Variants in HSPA12A observed in about 807,000 individuals in gnomAD.
HSPA12A encodes heat shock protein family A (Hsp70) member 12A.
A neutral mutation model predicts 69.2 loss-of-function variants in HSPA12A; 28 were observed. The ratio of observed to expected loss-of-function variants is 0.40; its 90% CI spans 0.30 to 0.55. HSPA12A has a LOEUF of 0.55. Among genes scored for constraint, HSPA12A ranks in the 20% least tolerant of loss-of-function variants. The probability of loss-of-function intolerance (pLI) is 0.38; values close to 1 mark genes in which losing one functional copy is unlikely to be tolerated. For synonymous variants in HSPA12A, 345 were observed against 370.5 expected, an observed-to-expected ratio of 0.93 and a Z score of 0.79; for missense variants, 686 against 900.7, an observed-to-expected ratio of 0.76 and a Z score of 3.05.
At chr10:116,745,605 G>A (rs1309482116), upstream of HSPA12A, among the ~76,000 whole-genome samples, 1 of 152,134 alleles carries the variant, frequency 6.6e-6, no homozygotes, top group African/African-American at 2.4e-5. Flanking sequence ...TTCCCTTCCT[G>A]CTGGTCACTC....
chr10:116,780,055 G>A (rs782189213), intron 2 of HSPA12A, among the ~76,000 whole-genome samples: 6 of 152,164 alleles, frequency 3.9e-5, no homozygotes, highest in African/African-American at 1.2e-4. Flanking sequence ...TGGGCACTGC[G>A]TCCTTCTCAC....
exon 1 of HSPA12A, chr10:116,849,575 A>C (rs1845991534): frequency 2.6e-6 from 4 of 1,542,570 alleles, no homozygotes; most frequent in Non-Finnish European, 3.5e-6. Context: ...CCATGGAGGA[A>C]GAAGGCGGCG....
chr10:116,775,461 G>C (rs782484876), intron 2 of HSPA12A, among the ~76,000 whole-genome samples: 1 of 152,190 alleles, frequency 6.6e-6, no homozygotes, highest in Non-Finnish European at 1.5e-5. Context: ...GCTGGAAATG[G>C]CCAATGTATT....
At chr10:116,733,308 A>T (rs1432463290) in intron 1 of HSPA12A, among the ~76,000 whole-genome samples, 1 of 152,158 alleles carries the variant, frequency 6.6e-6, no homozygotes, top group Non-Finnish European at 1.5e-5. Flanking sequence ...CATGGGAGAC[A>T]AGCAAAGAGA....
chr10:116,847,389 A>T (rs570828070), intron 1 of HSPA12A, among the ~76,000 whole-genome samples: 1 of 152,250 alleles, frequency 6.6e-6, no homozygotes, highest in East Asian at 1.9e-4. Context: ...AAACCCATCA[A>T]TGCTACCCAC....
chr10:116,699,130 C>T (rs1554881293), intron 4 of HSPA12A, among the ~76,000 whole-genome samples: 1 of 142,260 alleles, frequency 7.0e-6, no homozygotes, highest in Non-Finnish European at 1.5e-5. Flanking sequence ...CTCAGGATCC[C>T]CCCTGATGGA....
At position 116,707,288 on chromosome 10, in the gene HSPA12A, G is replaced by A. The variant is rs1554882605; in HGVS notation, c.41-3C>T. On this transcript the variant is annotated splice_region_variant and splice_polypyrimidine_tract_variant and intron_variant, in intron 1 of 11. Coordinates refer to ENST00000369209, the MANE Select transcript of HSPA12A (RefSeq NM_025015.3). ...ATATGCAGATGTGGGAGCCGTTTCTGAAAGGAAAAACAAAGCCGCCTCCTT... is the reference window on the plus strand; with the variant it reads ...ATATGCAGATGTGGGAGCCGTTTCTAAAAGGAAAAACAAAGCCGCCTCCTT... The A allele has an allele frequency of 6.2e-7, 1 of 1,609,932 alleles. No homozygotes were observed.
chr10:116,731,096 G>A (rs1433409266), intron 1 of HSPA12A, among the ~76,000 whole-genome samples: 1 of 152,232 alleles, frequency 6.6e-6, no homozygotes, highest in Non-Finnish European at 1.5e-5. Context: ...CTCCATGGCT[G>A]GCCAGTTGGC....
At chr10:116,716,392 C>T (rs1341624424) in intron 1 of HSPA12A, among the ~76,000 whole-genome samples, 2 of 151,446 alleles carry the variant, frequency 1.3e-5, no homozygotes, top group African/African-American at 4.9e-5. Context: ...TGTTAGATGC[C>T]ACCCTGTGAC....
chr10:116,795,475 T>C (rs1157715887), intron 2 of HSPA12A, among the ~76,000 whole-genome samples: 3 of 150,994 alleles, frequency 2.0e-5, no homozygotes, highest in Admixed American at 1.3e-4. Flanking sequence ...GGCTAGAAGT[T>C]TGAGACCAGC....
chr10:116,749,000 A>C, intron 2 of HSPA12A, among the ~76,000 whole-genome samples: 1 of 150,618 alleles, frequency 6.6e-6, no homozygotes, highest in Admixed American at 6.6e-5. Flanking sequence ...TCCCTTCCTC[A>C]CCCCCTGCTG....
intron 2 of HSPA12A, among the ~76,000 whole-genome samples, chr10:116,811,579 T>TAAAAAAAAAAAA (rs60912684): frequency 9.4e-5 from 10 of 105,932 alleles, no homozygotes; most frequent in African/African-American, 3.7e-4. Flanking sequence ...TTGCTTTTGT[T>TAAAAAAAAAAAA]AAAAAAAAAA....
At chr10:116,833,830 A>G (rs77064889) in intron 2 of HSPA12A, among the ~76,000 whole-genome samples, 10,061 of 152,038 alleles carry the variant, frequency 0.066, 1,069 homozygotes, top group African/African-American at 0.23. Context: ...GTTTTGTTTT[A>G]TTTCCTTCTT....
At chr10:116,842,602 T>G (rs1444114595) in intron 1 of HSPA12A, among the ~76,000 whole-genome samples, 1 of 152,120 alleles carries the variant, frequency 6.6e-6, no homozygotes, top group Non-Finnish European at 1.5e-5. Flanking sequence ...AGAGTTTGCT[T>G]AAAGAGTTTG....
At position 116,709,046 on chromosome 10, in the gene HSPA12A, C is replaced by T. The variant is rs182389242; in HGVS notation, c.41-1761G>A. ...CAGCAATTCCACTCCTAGGTATCTA[C>T]CCAAAAAACTGAAAACAGGGACTCA... On this transcript the variant is annotated intron_variant, in intron 1 of 11. Coordinates refer to ENST00000369209, the MANE Select transcript of HSPA12A (RefSeq NM_025015.3). 3.1e-3 allele frequency among the ~76,000 whole-genome samples: 448 copies of T among 144,186 alleles called. 1 individual carries two copies. The highest frequency in any genetic ancestry group is 6.3e-3 in the South Asian group (29 of 4,632). The allele number at this position is 144,186 out of a possible 152,430, so 94.6% of individuals were successfully genotyped here. A position where few individuals can be genotyped will look rare whatever the true frequency, so the allele number is the denominator to read the frequency against.
chr10:116,697,945 T>A (rs1434810961), intron 5 of HSPA12A, among the ~76,000 whole-genome samples: 2 of 152,218 alleles, frequency 1.3e-5, no homozygotes, highest in African/African-American at 4.8e-5. Flanking sequence ...GCTATCTGTA[T>A]CTGGCTTCTT....
intron 2 of HSPA12A, among the ~76,000 whole-genome samples, chr10:116,804,485 G>C (rs1845026928): frequency 6.6e-6 from 1 of 152,002 alleles, no homozygotes; most frequent in African/African-American, 2.4e-5. Context: ...GAGTCCCTGA[G>C]ATTCTCGGCC....
At chr10:116,748,687 G>A (rs782006950) in intron 2 of HSPA12A, among the ~76,000 whole-genome samples, 8 of 152,306 alleles carry the variant, frequency 5.3e-5, no homozygotes, top group East Asian at 1.9e-4. Context: ...CATGGATGGC[G>A]GTGGGCAAAG....
At chr10:116,841,871 C>A (rs1393523227) in intron 1 of HSPA12A, among the ~76,000 whole-genome samples, 1 of 151,002 alleles carries the variant, frequency 6.6e-6, no homozygotes, top group Non-Finnish European at 1.5e-5. Context: ...AAAATTATGG[C>A]AGAAAAAGAG....
Sources: gnomAD v4.1 joint callset for allele counts (sites outside exome capture counted in the v4.1 genomes callset) on GRCh38, gnomAD v4.1.1 for gene constraint, MANE v1.5 for transcripts, NCBI Gene and HGNC (gene_info 2026-07-23, HGNC 2026-07-21) for gene names.